The following KCNB2 variants were observed in gnomAD, a reference collection of about 807,000 sequenced individuals.
KCNB2 encodes delayed rectifier potassium channel protein.
KCNB2 carries 15 observed loss-of-function variants against 61.5 expected under a neutral mutation model. The observed-to-expected ratio is 0.24, with a 90% CI of 0.16 to 0.38. KCNB2 has a LOEUF of 0.38. KCNB2 is among the 10% of genes least tolerant of loss of function. The pLI, the probability that KCNB2 is intolerant of heterozygous loss-of-function variation, is 1.00. For synonymous variants in KCNB2, 457 were observed against 446.0 expected, an observed-to-expected ratio of 1.02 and a Z score of -0.31; for missense variants, 828 against 1,125.2, an observed-to-expected ratio of 0.74 and a Z score of 3.78.
intron 2 of KCNB2, among the ~76,000 whole-genome samples, chr8:72,846,762 G>A (rs1810001619): frequency 6.6e-6 from 1 of 151,974 alleles, no homozygotes; most frequent in Admixed American, 6.6e-5. Context: ...GAAACAACAG[G>A]TGCTGGAGAG....
intron 2 of KCNB2, among the ~76,000 whole-genome samples, chr8:72,811,379 T>A (rs1809303963): frequency 6.6e-6 from 1 of 152,100 alleles, no homozygotes; most frequent in Admixed American, 6.5e-5. Context: ...CATATTTTGA[T>A]CTAAAAATAT....
intron 2 of KCNB2, among the ~76,000 whole-genome samples, chr8:72,723,719 C>T (rs1470122): frequency 0.68 from 103,686 of 152,028 alleles, 36,353 homozygotes; most frequent in African/African-American, 0.83. Flanking sequence ...ACAAAAGGCC[C>T]GGTGTGGTCA....
intron 2 of KCNB2, among the ~76,000 whole-genome samples, chr8:72,688,288 T>C (rs543493785): frequency 6.6e-6 from 1 of 152,196 alleles, no homozygotes; most frequent in Non-Finnish European, 1.5e-5. Flanking sequence ...AACTGATTTC[T>C]TATTGTTCTC....
chr8:72,798,852 A>G (rs1809074917), intron 2 of KCNB2, among the ~76,000 whole-genome samples: 1 of 152,194 alleles, frequency 6.6e-6, no homozygotes, highest in Admixed American at 6.6e-5. Context: ...GCACAGGATG[A>G]GCAAGTTACC....
At chr8:72,586,252 G>C (rs1175753110) in intron 2 of KCNB2, among the ~76,000 whole-genome samples, 1 of 152,166 alleles carries the variant, frequency 6.6e-6, no homozygotes, top group Non-Finnish European at 1.5e-5. Flanking sequence ...ACTCCACTTT[G>C]AACAACTGTC....
intron 2 of KCNB2, among the ~76,000 whole-genome samples, chr8:72,741,402 T>C (rs1252144746): frequency 1.3e-5 from 2 of 152,188 alleles, no homozygotes; most frequent in Non-Finnish European, 1.5e-5. Flanking sequence ...CTCTTATCTG[T>C]GCATATATTT....
intron 2 of KCNB2, chr8:72,750,424 A>G (rs1467256374): frequency 1.3e-5 from 2 of 152,084 alleles, no homozygotes; most frequent in Non-Finnish European, 2.9e-5. Flanking sequence ...TTGAATTTCA[A>G]ATTGTTTTCC....
chr8:72,799,413 T>TTTA (rs1001718277), intron 2 of KCNB2, among the ~76,000 whole-genome samples: 1 of 152,158 alleles, frequency 6.6e-6, no homozygotes, highest in African/African-American at 2.4e-5. Context: ...ATTATTATTT[T>TTTA]TTATTATTAT....
Position 72,894,229 on chromosome 8 carries a change from G to A in KCNB2, c.580-41706G>A, listed in dbSNP as rs187754235. 7.4e-4 allele frequency among the ~76,000 whole-genome samples: 112 copies of A among 152,236 alleles called. 1 individual carries two copies. The East Asian group carries it at 0.015, about 20-fold the overall frequency. ...GTAGGGACAAACTAATACAAAGACC[G>A]TAAAGGTGGAGTAGTGCAAAGGCCC... On this transcript the variant is annotated intron_variant, in intron 2 of 2. Coordinates refer to ENST00000523207, the MANE Select transcript of KCNB2 (RefSeq NM_004770.3).
intron 2 of KCNB2, among the ~76,000 whole-genome samples, chr8:72,594,162 A>G (rs1196111738): frequency 1.3e-5 from 2 of 152,182 alleles, no homozygotes; most frequent in East Asian, 3.8e-4. Flanking sequence ...ATTGATATAT[A>G]TGATAGCCTT....
intron 2 of KCNB2, among the ~76,000 whole-genome samples, chr8:72,813,764 C>A (rs1164453994): frequency 6.6e-6 from 1 of 152,168 alleles, no homozygotes. Flanking sequence ...CTTTAACCAC[C>A]CCCAAGGGGT....
At chr8:72,926,810 T>C (rs141229264) in intron 2 of KCNB2, among the ~76,000 whole-genome samples, 159 of 152,348 alleles carry the variant, frequency 1.0e-3, no homozygotes, top group South Asian at 5.6e-3. Flanking sequence ...CCTTTGCTGC[T>C]GCCATGGCAT....
intron 2 of KCNB2, among the ~76,000 whole-genome samples, chr8:72,714,695 A>G (rs2128992159): frequency 6.6e-6 from 1 of 152,334 alleles, no homozygotes; most frequent in South Asian, 2.1e-4. Context: ...GGTACCAGCC[A>G]CTGTAAAAAC....
intron 2 of KCNB2, among the ~76,000 whole-genome samples, chr8:72,572,254 A>G (rs903601481): frequency 1.3e-5 from 2 of 152,168 alleles, no homozygotes; most frequent in Non-Finnish European, 2.9e-5. Context: ...CTCTAAGAGC[A>G]TAAGTGGATG....
intron 2 of KCNB2, among the ~76,000 whole-genome samples, chr8:72,839,407 T>C (rs1371495136): frequency 2.6e-5 from 4 of 152,136 alleles, no homozygotes; most frequent in Non-Finnish European, 5.9e-5. Context: ...GTGTTAGGCA[T>C]AGCAATAGAA....
chr8:72,661,828 C>T (rs1806385680), intron 2 of KCNB2, among the ~76,000 whole-genome samples: 1 of 152,142 alleles, frequency 6.6e-6, no homozygotes, highest in African/African-American at 2.4e-5. Flanking sequence ...TTCTCAAAGG[C>T]CTGCTCTAAA....
chr8:72,671,277 G>A (rs1429697048), intron 2 of KCNB2, among the ~76,000 whole-genome samples: 1 of 152,162 alleles, frequency 6.6e-6, no homozygotes. Flanking sequence ...ATGGAAAAAT[G>A]ATTGTAGATG....
At chr8:72,716,511 C>A (rs193218687) in intron 2 of KCNB2, among the ~76,000 whole-genome samples, 1 of 152,162 alleles carries the variant, frequency 6.6e-6, no homozygotes, top group Non-Finnish European at 1.5e-5. Flanking sequence ...GTTCAACATA[C>A]GCAAATCAAT....
chr8:72,922,078 G>T (rs967842785), intron 2 of KCNB2, among the ~76,000 whole-genome samples: 1 of 152,154 alleles, frequency 6.6e-6, no homozygotes, highest in Non-Finnish European at 1.5e-5. Context: ...TGTGGACAGG[G>T]CTGTGCTTCT....
Sources: allele counts gnomAD v4.1 joint callset (sites outside exome capture counted in the v4.1 genomes callset), GRCh38; gene constraint gnomAD v4.1.1; transcripts MANE v1.5; gene names NCBI Gene and HGNC (gene_info 2026-07-23, HGNC 2026-07-21).